The following STT3B variants were observed in gnomAD, a reference collection of about 807,000 sequenced individuals.
STT3B encodes the protein dolichyl-diphosphooligosaccharide--protein glycosyltransferase subunit STT3B.
Under a neutral mutation model 96.8 loss-of-function variants are expected in STT3B, and 29 were observed. The observed-to-expected ratio is 0.30, with a 90% CI of 0.22 to 0.41. STT3B has a LOEUF of 0.41. STT3B is among the 10% of genes least tolerant of loss of function. The pLI is 1.00. For synonymous variants in STT3B, 367 were observed against 360.0 expected (o/e 1.02, Z -0.22); for missense variants, 640 against 1,022.3 (o/e 0.63, Z 5.10).
chr3:31,605,602 AC>A (rs1699033236), intron 5 of STT3B, among the ~76,000 whole-genome samples: 1 of 152,064 alleles, frequency 6.6e-6, no homozygotes, highest in African/African-American at 2.4e-5. Flanking sequence ...TGTGCCTTTC[AC>A]CTTCTGCCAA....
At chr3:31,564,063 C>T (rs1156945478) in intron 1 of STT3B, among the ~76,000 whole-genome samples, 2 of 152,062 alleles carry the variant, frequency 1.3e-5, no homozygotes, top group Non-Finnish European at 2.9e-5. Flanking sequence ...ATCAAGTATA[C>T]GGGAGTATTC....
intron 4 of STT3B, among the ~76,000 whole-genome samples, chr3:31,597,519 C>T (rs1698819662): frequency 6.6e-6 from 1 of 151,980 alleles, no homozygotes; most frequent in Admixed American, 6.6e-5. Flanking sequence ...TGCAGTGGTG[C>T]AATCATAGCT....
intron 1 of STT3B, among the ~76,000 whole-genome samples, chr3:31,561,459 G>A (rs1697875258): frequency 6.6e-6 from 1 of 151,916 alleles, no homozygotes; most frequent in Non-Finnish European, 1.5e-5. Flanking sequence ...AAAATATACA[G>A]TTAGGTTATT....
chr3:31,623,563 G>A, intron 10 of STT3B, 111 bp from the exon 11 acceptor site: 1 of 784,402 alleles, frequency 1.3e-6, no homozygotes, highest in Non-Finnish European at 2.0e-6. Flanking sequence ...CATTTTCTGA[G>A]TCATAGAATT....
At chr3:31,571,948 T>A (rs1481568166) in intron 1 of STT3B, among the ~76,000 whole-genome samples, 1 of 137,796 alleles carries the variant, frequency 7.3e-6, no homozygotes, top group Non-Finnish European at 1.5e-5. Flanking sequence ...ATATATAATA[T>A]TAAATATATA....
chr3:31,582,722 G>A lies in STT3B; in HGVS notation c.711+2626G>A, dbSNP rs529254320. 2.0e-5 allele frequency among the ~76,000 whole-genome samples: 3 copies of A among 152,024 alleles called. No homozygotes were observed. In the East Asian group the frequency reaches 5.8e-4, roughly 29 times the overall value. On this transcript the variant is annotated intron_variant, in intron 3 of 15. Transcript: ENST00000295770. ...TTTCCCTTAGTACTACTTTGACGGTGTCTCATAAGTTCTGATACATTGTGG... is the reference window on the plus strand; with the variant it reads ...TTTCCCTTAGTACTACTTTGACGGTATCTCATAAGTTCTGATACATTGTGG...
At chr3:31,598,812 C>CTT (rs1396789758) in intron 4 of STT3B, among the ~76,000 whole-genome samples, 4 of 143,338 alleles carry the variant, frequency 2.8e-5, no homozygotes, top group Admixed American at 7.0e-5. Context: ...AATTTACTTA[C>CTT]TTTTTTTTTT....
At chr3:31,597,485 C>A (rs936951289) in intron 4 of STT3B, among the ~76,000 whole-genome samples, 2 of 151,702 alleles carry the variant, frequency 1.3e-5, no homozygotes, top group African/African-American at 4.8e-5. Flanking sequence ...GAGATAGTGT[C>A]TTTCTCTGTT....
intron 14 of STT3B, among the ~76,000 whole-genome samples, chr3:31,629,700 GTTCTCCA>G (rs2125479451): frequency 6.6e-6 from 1 of 152,252 alleles, no homozygotes; most frequent in African/African-American, 2.4e-5. Flanking sequence ...GGAAAGTATT[GTTCTCCA>G]AGAAGAGTTC....
intron 3 of STT3B, among the ~76,000 whole-genome samples, chr3:31,594,303 G>T (rs1415783356): frequency 1.3e-5 from 2 of 152,032 alleles, no homozygotes; most frequent in Non-Finnish European, 2.9e-5. Context: ...GAGATAGCAC[G>T]AGATCCCACA....
At chr3:31,541,464 CTTTTTTTGTTTTTTTT>C (rs754955268) in intron 1 of STT3B, among the ~76,000 whole-genome samples, 1 of 118,688 alleles carries the variant, frequency 8.4e-6, no homozygotes, top group Admixed American at 8.0e-5. Context: ...CTTTTTTTTT[CTTTTTTTGTTTTTTTT>C]TTTTTTTGGC....
intron 1 of STT3B, among the ~76,000 whole-genome samples, chr3:31,538,979 A>G (rs1423326386): frequency 6.6e-6 from 1 of 152,066 alleles, no homozygotes; most frequent in African/African-American, 2.4e-5. Flanking sequence ...GGAGGTGAGG[A>G]TTAGCGTTGG....
intron 1 of STT3B, among the ~76,000 whole-genome samples, chr3:31,559,246 GGGTTT>G (rs1349994807): frequency 6.7e-6 from 1 of 149,118 alleles, no homozygotes; most frequent in African/African-American, 2.5e-5. Context: ...TTCTGATTTG[GGGTTT>G]GGTTTGTTCT....
chr3:31,604,563 T>A (rs1165306990), intron 5 of STT3B, among the ~76,000 whole-genome samples: 1 of 152,168 alleles, frequency 6.6e-6, no homozygotes, highest in Non-Finnish European at 1.5e-5. Flanking sequence ...TATTAAGTGT[T>A]GAAAAAATAA....
intron 1 of STT3B, among the ~76,000 whole-genome samples, chr3:31,570,616 A>G (rs887966516): frequency 6.6e-6 from 1 of 152,216 alleles, no homozygotes; most frequent in African/African-American, 2.4e-5. Flanking sequence ...ATGGAATGGA[A>G]AAGAGTAGTT....
chr3:31,541,295 G>T (rs911772582), intron 1 of STT3B, among the ~76,000 whole-genome samples: 1 of 152,054 alleles, frequency 6.6e-6, no homozygotes, highest in East Asian at 1.9e-4. Flanking sequence ...TACCTTAGAC[G>T]ACCTGGTGTG....
intron 2 of STT3B, among the ~76,000 whole-genome samples, chr3:31,576,762 A>C (rs1402707845): frequency 1.3e-5 from 2 of 152,126 alleles, no homozygotes; most frequent in African/African-American, 2.4e-5. Flanking sequence ...ATCTGCTGTC[A>C]CAGTGTATCT....
chr3:31,593,346 GT>G (rs575042990), intron 3 of STT3B, among the ~76,000 whole-genome samples: 19 of 150,198 alleles, frequency 1.3e-4, no homozygotes, highest in Middle Eastern at 3.5e-3. Flanking sequence ...TTCCTTGTGG[GT>G]TTTTTTTTCT....
intron 7 of STT3B, 142 bp downstream of exon 7, chr3:31,617,217 A>G: frequency 1.9e-6 from 1 of 522,662 alleles, no homozygotes; most frequent in Non-Finnish European, 3.0e-6. Flanking sequence ...GTATATCTTA[A>G]TTTTGTGGCA....
Sources: gnomAD v4.1 joint callset for allele counts (sites outside exome capture counted in the v4.1 genomes callset) on GRCh38, gnomAD v4.1.1 for gene constraint, MANE v1.5 for transcripts, NCBI Gene and HGNC (gene_info 2026-07-23, HGNC 2026-07-21) for gene names.